CDH8: variants seen among roughly 807,000 people sequenced by gnomAD.
CDH8 encodes the protein cadherin-8.
Under a neutral mutation model 68.1 loss-of-function variants are expected in CDH8, and 17 were observed. The observed-to-expected ratio is 0.25, with a 90% CI of 0.17 to 0.37. The LOEUF is 0.37. CDH8 is among the 10% of genes least tolerant of loss of function. The pLI is 1.00. For missense variants in CDH8, 763 were observed against 999.3 expected, an observed-to-expected ratio of 0.76 and a Z score of 3.19; for synonymous variants, 372 against 365.1, an observed-to-expected ratio of 1.02 and a Z score of -0.21.
At chr16:61,972,612 G>T (rs1040121293) in intron 2 of CDH8, among the ~76,000 whole-genome samples, 2 of 150,212 alleles carry the variant, frequency 1.3e-5, no homozygotes, top group Non-Finnish European at 3.0e-5. Flanking sequence ...GTGTGTGTGT[G>T]TTTAATTGGG....
chr16:61,754,479 G>A (rs1157428964), intron 8 of CDH8, among the ~76,000 whole-genome samples: 1 of 151,886 alleles, frequency 6.6e-6, no homozygotes, highest in Non-Finnish European at 1.5e-5. Flanking sequence ...ACTACCAGAA[G>A]CCATTTTTTG....
intron 8 of CDH8, among the ~76,000 whole-genome samples, chr16:61,786,891 A>G (rs1451084837): frequency 1.5e-4 from 6 of 41,364 alleles, no homozygotes; most frequent in African/African-American, 5.7e-4. Context: ...AGCCATATGT[A>G]GAAAGCTGAA....
At chr16:61,895,318 C>T (rs573593215) in intron 3 of CDH8, among the ~76,000 whole-genome samples, 2 of 152,160 alleles carry the variant, frequency 1.3e-5, no homozygotes, top group South Asian at 4.2e-4. Context: ...GGAGGTAGAA[C>T]CAGGTGTCTG....
intron 2 of CDH8, among the ~76,000 whole-genome samples, chr16:61,965,391 T>C (rs1405176422): frequency 1.3e-5 from 2 of 152,196 alleles, no homozygotes; most frequent in Non-Finnish European, 2.9e-5. Flanking sequence ...ACTGCTGAAC[T>C]GCCAGTATCC....
rs888791746 is a variant in CDH8, at chr16:61,653,287, T to C, written c.*321A>G. ...AGAAAGCACCTTTTAATTATGATTT[T>C]TTCCTCTATTTAAACCATTTATCTA... On this transcript the variant is annotated 3_prime_UTR_variant, in exon 12 of 12. Coordinates refer to ENST00000577390, the MANE Select transcript of CDH8 (RefSeq NM_001796.5). 8.5e-7 allele frequency: 1 copy of C among 1,173,776 alleles called. No individual in the cohort carries two copies. The highest frequency in any genetic ancestry group is 4.4e-5 in the Admixed American group (1 of 22,578). 72.7% of individuals were successfully genotyped at this position (1,173,776 alleles called of 1,614,324 possible). A position where few individuals can be genotyped will look rare whatever the true frequency, so the allele number is the denominator to read the frequency against.
chr16:61,690,949 T>A (rs1300181618), intron 10 of CDH8, among the ~76,000 whole-genome samples: 2 of 152,068 alleles, frequency 1.3e-5, no homozygotes, highest in African/African-American at 2.4e-5. Flanking sequence ...CCTGAGTTTC[T>A]CTCCAGCCTC....
chr16:61,848,281 G>A (rs893117859), intron 4 of CDH8, among the ~76,000 whole-genome samples: 1 of 152,014 alleles, frequency 6.6e-6, no homozygotes, highest in Non-Finnish European at 1.5e-5. Context: ...GTAATATCAG[G>A]TGTTACATAC....
chr16:61,960,423 A>G (rs199912257), intron 2 of CDH8, among the ~76,000 whole-genome samples: 2 of 123,786 alleles, frequency 1.6e-5, no homozygotes, highest in Non-Finnish European at 3.4e-5. Flanking sequence ...GTGTGTGTGT[A>G]TACACATACA....
intron 2 of CDH8, among the ~76,000 whole-genome samples, chr16:61,902,653 C>G (rs1196887087): frequency 6.6e-6 from 1 of 151,036 alleles, no homozygotes; most frequent in African/African-American, 2.4e-5. Context: ...CTTGGGATCC[C>G]TTTTATTCAG....
At chr16:61,818,602 A>G (rs1962136425) in intron 6 of CDH8, among the ~76,000 whole-genome samples, 1 of 152,178 alleles carries the variant, frequency 6.6e-6, no homozygotes, top group Non-Finnish European at 1.5e-5. Flanking sequence ...GACCTAGGTA[A>G]GTAAAGCTAG....
chr16:61,686,420 C>T (rs1304453915), intron 10 of CDH8, among the ~76,000 whole-genome samples: 1 of 151,924 alleles, frequency 6.6e-6, no homozygotes, highest in Non-Finnish European at 1.5e-5. Context: ...TGAAAATCCA[C>T]TTTCTCATTC....
At chr16:61,803,874 C>G (rs978862248) in intron 7 of CDH8, among the ~76,000 whole-genome samples, 1 of 134,450 alleles carries the variant, frequency 7.4e-6, no homozygotes, top group Non-Finnish European at 1.6e-5. Flanking sequence ...TAATGGGAGA[C>G]TTTAACACCC....
intron 8 of CDH8, among the ~76,000 whole-genome samples, chr16:61,768,357 T>TCTCTCC (rs1960668634): frequency 2.9e-5 from 3 of 103,754 alleles, no homozygotes; most frequent in Non-Finnish European, 4.0e-5. Context: ...TCTCTCTCTC[T>TCTCTCC]CTCTCTCTCT....
intron 10 of CDH8, among the ~76,000 whole-genome samples, chr16:61,700,092 C>G (rs552047977): frequency 9.9e-5 from 15 of 152,218 alleles, no homozygotes; most frequent in African/African-American, 3.6e-4. Context: ...GTCTCATTAA[C>G]AGTATCTTAC....
At chr16:61,983,927 TA>T (rs1965582154) in intron 2 of CDH8, among the ~76,000 whole-genome samples, 1 of 127,832 alleles carries the variant, frequency 7.8e-6, no homozygotes, top group Non-Finnish European at 1.7e-5. Context: ...TATTTTATTT[TA>T]TTTTTTCGAG....
chr16:61,724,999 A>T (rs75253814), intron 9 of CDH8, among the ~76,000 whole-genome samples: 4,825 of 150,966 alleles, frequency 0.032, 353 homozygotes, highest in East Asian at 0.24. Flanking sequence ...CAACAACAGC[A>T]TGTACATCAG....
chr16:61,722,401 AT>A (rs1370437518), intron 9 of CDH8, among the ~76,000 whole-genome samples: 6 of 150,846 alleles, frequency 4.0e-5, no homozygotes, highest in Non-Finnish European at 6.0e-5. Flanking sequence ...AGTTTTCAAA[AT>A]TTTAAATTAT....
chr16:62,016,877 A>G (rs1901954162), intron 2 of CDH8, among the ~76,000 whole-genome samples: 1 of 152,196 alleles, frequency 6.6e-6, no homozygotes, highest in African/African-American at 2.4e-5. Flanking sequence ...GTCTCCACAG[A>G]GGTAATTCTG....
chr16:61,933,564 A>C (rs1964579504), intron 2 of CDH8, among the ~76,000 whole-genome samples: 1 of 152,198 alleles, frequency 6.6e-6, no homozygotes, highest in African/African-American at 2.4e-5. Flanking sequence ...GTAGTGAAAT[A>C]AATCAGACGA....
Sources: gnomAD v4.1 joint callset for allele counts (sites outside exome capture counted in the v4.1 genomes callset) on GRCh38, gnomAD v4.1.1 for gene constraint, MANE v1.5 for transcripts, NCBI Gene and HGNC (gene_info 2026-07-23, HGNC 2026-07-21) for gene names.